The following PI4K2B variants were observed in gnomAD, a reference collection of about 807,000 sequenced individuals.
The protein encoded by PI4K2B is phosphatidylinositol 4-kinase type 2 beta.
A neutral mutation model predicts 56.6 loss-of-function variants in PI4K2B; 46 were observed. The observed-to-expected ratio is 0.81, with a 90% CI of 0.64 to 1.04. The LOEUF (loss-of-function observed/expected upper bound fraction) is 1.04, where lower values mean the gene tolerates loss of function less well. Among genes scored for constraint, PI4K2B ranks in the 50% least tolerant of loss-of-function variants. PI4K2B has a pLI of 0.00. For synonymous variants in PI4K2B, 211 were observed against 223.8 expected, an observed-to-expected ratio of 0.94 and a Z score of 0.51; for missense variants, 556 against 607.7, an observed-to-expected ratio of 0.91 and a Z score of 0.89.
At chr4:25,273,936 C>T (rs1465001422) in intron 9 of PI4K2B, among the ~76,000 whole-genome samples, 2 of 152,140 alleles carry the variant, frequency 1.3e-5, no homozygotes, top group Non-Finnish European at 2.9e-5. Flanking sequence ...TCTTCCTTCC[C>T]CTTTCCCAGT....
chr4:25,244,374 G>A (rs1391302684), intron 1 of PI4K2B, among the ~76,000 whole-genome samples: 1 of 152,184 alleles, frequency 6.6e-6, no homozygotes, highest in Non-Finnish European at 1.5e-5. Context: ...CCTGTGGGAT[G>A]TAAGTTGTAA....
At chr4:25,244,811 C>T (rs553942650) in intron 1 of PI4K2B, among the ~76,000 whole-genome samples, 1 of 152,188 alleles carries the variant, frequency 6.6e-6, no homozygotes, top group Non-Finnish European at 1.5e-5. Context: ...GCCCAAGAAC[C>T]CGCAACGGTC....
chr4:25,245,047 T>C (rs950137080), intron 1 of PI4K2B, among the ~76,000 whole-genome samples: 6 of 152,176 alleles, frequency 3.9e-5, no homozygotes, highest in Admixed American at 3.9e-4. Context: ...TCCTCACTTA[T>C]ATGAATAGGA....
intron 1 of PI4K2B, among the ~76,000 whole-genome samples, chr4:25,235,753 T>C (rs1715235238): frequency 6.6e-6 from 1 of 152,242 alleles, no homozygotes; most frequent in Non-Finnish European, 1.5e-5. Context: ...TTGTGTAAGC[T>C]ACCTTGTGTA....
Position 25,234,450 on chromosome 4 carries a change from C to G in PI4K2B, c.268+19C>G, listed in dbSNP as rs1715152712. On this transcript the variant is annotated intron_variant, in intron 1 of 9. Coordinates refer to ENST00000264864, the MANE Select transcript of PI4K2B (RefSeq NM_018323.4). ...GTTTCAGGTGCGACCCGGCCCTGCCCCACTCCCCGCGCCCCTCCGGGCGGC... is the reference window on the plus strand; with the variant it reads ...GTTTCAGGTGCGACCCGGCCCTGCCGCACTCCCCGCGCCCCTCCGGGCGGC... 4.7e-6 allele frequency: 6 copies of G among 1,273,308 alleles called. No individual in the cohort carries two copies. Among genetic ancestry groups the G allele is most frequent in the East Asian group, 3.2e-5 (1 of 31,614 alleles). The allele number at this position is 1,273,308 out of a possible 1,614,324, so 78.9% of individuals were successfully genotyped here.
In PI4K2B at chr4:25,234,079, C is replaced by A; in HGVS notation, c.-85C>A. On this transcript the variant is annotated 5_prime_UTR_variant, in exon 1 of 10. Transcript: ENST00000264864. ...AGGTGGCGTCCGTTCTACCCGGTCG[C>A]TCCCGTTCCGCGCCATGCAGAGCCC... 8.7e-6 allele frequency: 10 copies of A among 1,151,934 alleles called. No homozygotes were observed. The highest frequency in any genetic ancestry group is 1.1e-5 in the Non-Finnish European group (10 of 912,304). The allele number at this position is 1,151,934 out of a possible 1,614,324, so 71.4% of individuals were successfully genotyped here.
intron 1 of PI4K2B, among the ~76,000 whole-genome samples, chr4:25,237,443 C>T (rs112361182): frequency 3.9e-5 from 6 of 151,974 alleles, no homozygotes; most frequent in African/African-American, 7.3e-5. Flanking sequence ...GGCGTAATCT[C>T]GGCTAACTGC....
At chr4:25,237,439 A>T (rs898803085) in intron 1 of PI4K2B, among the ~76,000 whole-genome samples, 35 of 152,104 alleles carry the variant, frequency 2.3e-4, no homozygotes, top group African/African-American at 7.7e-4. Context: ...TAATGGCGTA[A>T]TCTCGGCTAA....
In PI4K2B at chr4:25,256,661, G is replaced by T; in HGVS notation, c.743G>T (p.Gly248Val). Residue 248 changes from glycine to valine, a missense_variant, in exon 4 of 10, where the codon GGA (glycine) becomes GTA (valine). Coordinates refer to ENST00000264864, the MANE Select transcript of PI4K2B (RefSeq NM_018323.4). ...GTGGGTAGAAAGTTTCATAGGATAG[G>T]ACTCCCTCCTAAGGTAAGTTTCTCT... The part of the protein sequence containing the change: ...PKVGRKFHRI[G>V]LPPKIGSFQL... The T allele has an allele frequency of 6.2e-7, 1 of 1,613,496 alleles. No individual in the cohort carries two copies. The highest frequency in any genetic ancestry group is 1.1e-5 in the South Asian group (1 of 91,016).
intron 7 of PI4K2B, among the ~76,000 whole-genome samples, chr4:25,264,991 T>G (rs1428232995): frequency 6.6e-6 from 1 of 151,710 alleles, no homozygotes; most frequent in Non-Finnish European, 1.5e-5. Flanking sequence ...AGGTCAGGAG[T>G]TTGAGATCAG....
chr4:25,235,614 C>T (rs902945669), intron 1 of PI4K2B, among the ~76,000 whole-genome samples: 8 of 152,166 alleles, frequency 5.3e-5, no homozygotes, highest in African/African-American at 1.9e-4. Context: ...GACGTTTAAC[C>T]AAACAACGTG....
At chr4:25,239,207 G>A (rs1438457751) in intron 1 of PI4K2B, among the ~76,000 whole-genome samples, 1 of 152,222 alleles carries the variant, frequency 6.6e-6, no homozygotes, top group Non-Finnish European at 1.5e-5. Context: ...GGGGCCACAG[G>A]TGGAGCTGCC....
chr4:25,258,149 T>G (rs1383558870), intron 4 of PI4K2B, among the ~76,000 whole-genome samples: 5 of 152,030 alleles, frequency 3.3e-5, no homozygotes. Flanking sequence ...AATATTATGA[T>G]TAATAGATTT....
chr4:25,271,640 T>C (rs927752602), intron 9 of PI4K2B, among the ~76,000 whole-genome samples: 14 of 152,308 alleles, frequency 9.2e-5, no homozygotes, highest in African/African-American at 2.9e-4. Context: ...TTTTTAGGCA[T>C]AGATAAATAT....
intron 5 of PI4K2B, among the ~76,000 whole-genome samples, chr4:25,259,593 G>A (rs1716382366): frequency 1.3e-5 from 2 of 152,076 alleles, no homozygotes; most frequent in African/African-American, 4.8e-5. Context: ...AAGGAGCAAT[G>A]ACGTAGACCA....
intron 1 of PI4K2B, among the ~76,000 whole-genome samples, chr4:25,236,290 C>CT (rs1408790168): frequency 6.6e-6 from 1 of 151,548 alleles, no homozygotes; most frequent in African/African-American, 2.4e-5. Context: ...TGGCTCATGC[C>CT]TGTAATCCCA....
At position 25,257,791 on chromosome 4, in the gene PI4K2B, C is replaced by T. The variant is rs192746824; in HGVS notation, c.756+1117C>T. On this transcript the variant is annotated intron_variant, in intron 4 of 9. Transcript: ENST00000264864. ...AAAGTTTTTAAAAGGCTTGTTCTTC[C>T]TTAGACATGCTGAAATAAGTGTGAC... Among the ~76,000 whole-genome samples the T allele has an allele frequency of 1.4e-3, 210 of 152,256 alleles. 3 individuals carry two copies. Among genetic ancestry groups the T allele is most frequent in the Admixed American group, 2.7e-3 (41 of 15,292 alleles).
intron 3 of PI4K2B, among the ~76,000 whole-genome samples, 197 bp from the exon 4 acceptor site, chr4:25,256,346 T>G (rs1441995327): frequency 6.6e-6 from 1 of 152,240 alleles, no homozygotes; most frequent in African/African-American, 2.4e-5. Context: ...TTTATACCAC[T>G]CTCAGAAAGA....
chr4:25,262,598 G>A (rs1577693070), intron 6 of PI4K2B, among the ~76,000 whole-genome samples: 1 of 152,130 alleles, frequency 6.6e-6, no homozygotes. Context: ...ACTTAGTAAT[G>A]GCCATCTATC....
Sources: gnomAD v4.1 joint callset for allele counts (sites outside exome capture counted in the v4.1 genomes callset) on GRCh38, gnomAD v4.1.1 for gene constraint, MANE v1.5 for transcripts, NCBI Gene and HGNC (gene_info 2026-07-23, HGNC 2026-07-21) for gene names.